KIAA0825: variants seen among roughly 807,000 people sequenced by gnomAD.
KIAA0825 encodes KIAA0825.
KIAA0825 carries 119 observed loss-of-function variants against 147.6 expected under a neutral mutation model. The observed-to-expected ratio is 0.81, with a 90% CI of 0.69 to 0.94. The LOEUF (loss-of-function observed/expected upper bound fraction) is 0.94, where lower values mean the gene tolerates loss of function less well. Ranked by LOEUF, KIAA0825 falls within the 40% of genes least tolerant of loss-of-function variation. The pLI is 0.00. For synonymous variants in KIAA0825, 470 were observed against 518.1 expected, an observed-to-expected ratio of 0.91 and a Z score of 1.26; for missense variants, 1,381 against 1,472.7, an observed-to-expected ratio of 0.94 and a Z score of 1.02.
chr5:94,491,219 C>T (rs978756510), intron 5 of KIAA0825, among the ~76,000 whole-genome samples: 5 of 151,874 alleles, frequency 3.3e-5, no homozygotes, highest in African/African-American at 1.2e-4. Flanking sequence ...ACCAGACAAG[C>T]GACGTAAAAA....
intron 20 of KIAA0825, among the ~76,000 whole-genome samples, chr5:94,352,129 A>G (rs1783737622): frequency 6.6e-6 from 1 of 152,222 alleles, no homozygotes; most frequent in Non-Finnish European, 1.5e-5. Context: ...CAGCAAACAG[A>G]CAACCCACAG....
intron 5 of KIAA0825, among the ~76,000 whole-genome samples, chr5:94,490,682 G>A (rs1208544345): frequency 1.3e-5 from 2 of 151,762 alleles, no homozygotes; most frequent in African/African-American, 2.4e-5. Flanking sequence ...ATATATATTT[G>A]TAAATATATA....
At chr5:94,184,510 C>T (rs1262720449) in intron 20 of KIAA0825, among the ~76,000 whole-genome samples, 1 of 152,060 alleles carries the variant, frequency 6.6e-6, no homozygotes, top group Non-Finnish European at 1.5e-5. Flanking sequence ...ACCTCATACT[C>T]TTTATATTAG....
intron 20 of KIAA0825, among the ~76,000 whole-genome samples, chr5:94,176,657 A>C (rs1583755728): frequency 6.6e-6 from 1 of 152,154 alleles, no homozygotes; most frequent in Non-Finnish European, 1.5e-5. Context: ...AAAATCTGCC[A>C]TAGACCAATG....
chr5:94,460,135 T>C (rs1016900465), intron 12 of KIAA0825, among the ~76,000 whole-genome samples: 2 of 152,102 alleles, frequency 1.3e-5, no homozygotes, highest in African/African-American at 4.8e-5. Context: ...ATGAAACCAC[T>C]GTGTGGGGAT....
In KIAA0825 at chr5:94,477,222, A is replaced by T; in HGVS notation, c.1133-17T>A. The T allele has an allele frequency of 6.9e-7, 1 of 1,440,150 alleles. No homozygotes were observed. The highest frequency in any genetic ancestry group is 1.4e-5 in the African/African-American group (1 of 69,856). The allele number at this position is 1,440,150 out of a possible 1,614,324, so 89.2% of individuals were successfully genotyped here. A position where few individuals can be genotyped will look rare whatever the true frequency, so the allele number is the denominator to read the frequency against. ...CCAAAATTCCTAAGCAATAGAAAAG[A>T]AAACAAACACACTAATATATATTGT... On this transcript the variant is annotated splice_polypyrimidine_tract_variant and intron_variant, in intron 6 of 20. Coordinates refer to ENST00000682413, the MANE Select transcript of KIAA0825 (RefSeq NM_001145678.3).
intron 2 of KIAA0825, among the ~76,000 whole-genome samples, chr5:94,563,980 T>C (rs1285571855): frequency 6.6e-6 from 1 of 152,130 alleles, no homozygotes; most frequent in Non-Finnish European, 1.5e-5. Flanking sequence ...CCATAGTGCC[T>C]GCCCTGAGCA....
chr5:94,245,419 G>A (rs892221400), intron 20 of KIAA0825, among the ~76,000 whole-genome samples: 7 of 152,164 alleles, frequency 4.6e-5, no homozygotes, highest in African/African-American at 1.7e-4. Context: ...CTGCTTATAA[G>A]CAGAATTTCT....
chr5:94,213,646 G>A (rs1772947085), intron 20 of KIAA0825, among the ~76,000 whole-genome samples: 1 of 152,158 alleles, frequency 6.6e-6, no homozygotes, highest in African/African-American at 2.4e-5. Flanking sequence ...AGACAACATT[G>A]TTTATGTCTG....
At chr5:94,555,065 T>C (rs1173391323) in intron 2 of KIAA0825, among the ~76,000 whole-genome samples, 1 of 152,000 alleles carries the variant, frequency 6.6e-6, no homozygotes, top group East Asian at 1.9e-4. Flanking sequence ...CATTGTGAAA[T>C]CTACATAATT....
chr5:94,563,369 AAAAG>A (rs2152298073), intron 2 of KIAA0825, among the ~76,000 whole-genome samples: 1 of 152,114 alleles, frequency 6.6e-6, no homozygotes, highest in African/African-American at 2.4e-5. Context: ...AAAAAAAAAA[AAAAG>A]ATGTTTTGGA....
At chr5:94,450,495 TG>T (rs1758266516) in intron 13 of KIAA0825, among the ~76,000 whole-genome samples, 1 of 151,636 alleles carries the variant, frequency 6.6e-6, no homozygotes, top group Non-Finnish European at 1.5e-5. Context: ...GTCTGGAGGC[TG>T]GGAAGTCCAA....
At chr5:94,376,966 C>G (rs1395749773) in intron 20 of KIAA0825, among the ~76,000 whole-genome samples, 1 of 152,182 alleles carries the variant, frequency 6.6e-6, no homozygotes, top group African/African-American at 2.4e-5. Context: ...TGCCTGAGAA[C>G]AGTCATTTGA....
At chr5:94,519,368 T>C in intron 5 of KIAA0825, 1 of 892,718 alleles carries the variant, frequency 1.1e-6, no homozygotes, top group Non-Finnish European at 1.3e-6. Flanking sequence ...TATTCAGAAA[T>C]ACACCTCAGA....
At chr5:94,359,629 G>T (rs905624444) in intron 20 of KIAA0825, among the ~76,000 whole-genome samples, 2 of 152,134 alleles carry the variant, frequency 1.3e-5, no homozygotes, top group African/African-American at 2.4e-5. Flanking sequence ...AAGAAAGAAA[G>T]TGTGCTGGAC....
rs1356858001 is a variant in KIAA0825, at chr5:94,594,435, A to C, written c.-152-11852T>G. ...CTCAGTTCTTACTCCTTATTACCAT[A>C]CAGTAGATTTTGAGTGTATCTTGGA... On this transcript the variant is annotated intron_variant, in intron 1 of 20. Transcript: ENST00000682413. The C allele has an allele frequency of 5.4e-6, 4 of 734,146 alleles. No individual in the cohort carries two copies. In the East Asian group the frequency reaches 1.1e-4, roughly 20 times the overall value. 45.5% of individuals were successfully genotyped at this position (734,146 alleles called of 1,614,324 possible).
At chr5:94,417,170 A>G (rs1222997404) in intron 15 of KIAA0825, 31 bp downstream of exon 15, 4 of 1,538,282 alleles carry the variant, frequency 2.6e-6, no homozygotes, top group Non-Finnish European at 2.6e-6. Flanking sequence ...TCTATAGAAC[A>G]TTTCTTTTAC....
chr5:94,610,840 G>A (rs79048269), intron 1 of KIAA0825, among the ~76,000 whole-genome samples: 1,529 of 138,584 alleles, frequency 0.011, 29 homozygotes, highest in African/African-American at 0.039. Context: ...TCATGACACA[G>A]TGAAGCACAA....
rs371737512 is a variant in KIAA0825 at position 94,219,226 on chromosome 5, A to G, written c.3711-65102T>C. Among the ~76,000 whole-genome samples the G allele has an allele frequency of 1.9e-4, 29 of 152,278 alleles. No individual in the cohort carries two copies. In the South Asian group the frequency reaches 2.5e-3, roughly 13 times the overall value. ...CGTGTAATATATACAGTGACAGATC[A>G]TCAGATATTAGATTCTCATAGGGAG... On this transcript the variant is annotated intron_variant, in intron 20 of 20. Coordinates refer to ENST00000682413, the MANE Select transcript of KIAA0825 (RefSeq NM_001145678.3).
Sources: allele counts gnomAD v4.1 joint callset (sites outside exome capture counted in the v4.1 genomes callset), GRCh38; gene constraint gnomAD v4.1.1; transcripts MANE v1.5; gene names NCBI Gene and HGNC (gene_info 2026-07-23, HGNC 2026-07-21).